FAM171A1: variants seen among roughly 807,000 people sequenced by gnomAD.
FAM171A1 encodes the protein protein FAM171A1.
Under a neutral mutation model 74.9 loss-of-function variants are expected in FAM171A1, and 23 were observed. That is an observed-to-expected ratio of 0.31 (90% CI 0.22 to 0.44). The LOEUF (loss-of-function observed/expected upper bound fraction) is 0.44, where lower values mean the gene tolerates loss of function less well. FAM171A1 is among the 20% of genes least tolerant of loss of function. The pLI is 1.00. For missense variants in FAM171A1, 1,162 were observed against 1,159.2 expected, an observed-to-expected ratio of 1.00 and a Z score of -0.03; for synonymous variants, 527 against 505.7, an observed-to-expected ratio of 1.04 and a Z score of -0.57.
intron 1 of FAM171A1, among the ~76,000 whole-genome samples, chr10:15,332,401 T>C (rs930570171): frequency 6.6e-6 from 1 of 152,248 alleles, no homozygotes; most frequent in Non-Finnish European, 1.5e-5. Flanking sequence ...GGTTCTGTTT[T>C]ATTTTTTTAA....
At chr10:15,227,529 C>T (rs563584801) in intron 5 of FAM171A1, among the ~76,000 whole-genome samples, 2 of 152,250 alleles carry the variant, frequency 1.3e-5, no homozygotes, top group South Asian at 2.1e-4. Context: ...ACTACAGGCA[C>T]GTGCTACCAT....
intron 1 of FAM171A1, among the ~76,000 whole-genome samples, chr10:15,323,686 C>T (rs1039217299): frequency 3.3e-5 from 5 of 152,064 alleles, no homozygotes; most frequent in African/African-American, 1.2e-4. Context: ...CAGCCCAATG[C>T]ATACACTTCC....
At chr10:15,350,056 C>T (rs1033835299) in intron 1 of FAM171A1, among the ~76,000 whole-genome samples, 4 of 152,060 alleles carry the variant, frequency 2.6e-5, no homozygotes, top group Non-Finnish European at 4.4e-5. Flanking sequence ...TCAGACACGG[C>T]ACCCGGTTCA....
chr10:15,302,102 T>G (rs1291451374), intron 1 of FAM171A1, among the ~76,000 whole-genome samples: 1 of 152,188 alleles, frequency 6.6e-6, no homozygotes, highest in Non-Finnish European at 1.5e-5. Context: ...TAGTAAATTC[T>G]AACTATTCCT....
At chr10:15,252,285 A>C (rs762336586) in intron 4 of FAM171A1, among the ~76,000 whole-genome samples, 2 of 152,030 alleles carry the variant, frequency 1.3e-5, no homozygotes, top group Non-Finnish European at 2.9e-5. Context: ...TAAACCAAAC[A>C]ACACAACCTT....
rs767100709 is a variant in FAM171A1, at chr10:15,213,701, C to T, written c.1887G>A (p.Pro629=). ...GGGGCTGGGGCTGGATCTGTGAGGACGGGTGTGGGAAGATCCCGGCATGGG... is the reference window on the plus strand; with the variant it reads ...GGGGCTGGGGCTGGATCTGTGAGGATGGGTGTGGGAAGATCCCGGCATGGG... ...SNPHAGIFPH[P]SSQIQPQPLS... is the part of the protein sequence containing the mutation. The change falls in exon 8 of 8, where the codon CCG becomes CCA. Residue 629 remains proline, a synonymous_variant. Coordinates refer to ENST00000378116, the MANE Select transcript of FAM171A1 (RefSeq NM_001010924.2). This position sits in a 1 kb window ranked among gnomAD's most constrained non-coding sequence, Gnocchi z 6.8. 5.0e-6 allele frequency: 8 copies of T among 1,611,926 alleles called. No homozygotes were observed. The highest frequency in any genetic ancestry group is 2.7e-5 in the African/African-American group (2 of 74,852).
intron 1 of FAM171A1, among the ~76,000 whole-genome samples, chr10:15,347,077 A>T (rs898343587): frequency 6.6e-6 from 1 of 152,138 alleles, no homozygotes; most frequent in African/African-American, 2.4e-5. Flanking sequence ...AATTTTTTTT[A>T]AAAGAATGGG....
At chr10:15,288,248 C>T (rs1477900112) in intron 1 of FAM171A1, among the ~76,000 whole-genome samples, 1 of 152,106 alleles carries the variant, frequency 6.6e-6, no homozygotes, top group Non-Finnish European at 1.5e-5. Flanking sequence ...ATCTTTTTCA[C>T]ATAATAACTT....
chr10:15,305,351 T>C (rs1835280256), intron 1 of FAM171A1, among the ~76,000 whole-genome samples: 1 of 152,074 alleles, frequency 6.6e-6, no homozygotes, highest in Admixed American at 6.6e-5. Flanking sequence ...ACCTCTCACG[T>C]CACCTTCCCG....
intron 3 of FAM171A1, among the ~76,000 whole-genome samples, chr10:15,270,767 G>A (rs193152241): frequency 6.6e-6 from 1 of 152,342 alleles, no homozygotes; most frequent in Non-Finnish European, 1.5e-5. Flanking sequence ...GGCAAACAGA[G>A]TCTGTAGTGG....
rs1299778667 is a variant in FAM171A1, at chr10:15,370,599, G to C, written c.97+357C>G. Among the ~76,000 whole-genome samples, 12 of 152,056 alleles carry C rather than the reference G, an allele frequency of 7.9e-5. No individual in the cohort carries two copies. The East Asian group carries it at 1.2e-3, about 15-fold the overall frequency. Reference sequence around the variant, plus strand: ...CGCCCTGGGCGGCCCCTCTGTCCGCGGCGACATGGGAGACAGAGCCGCGTG... The same window carrying C: ...CGCCCTGGGCGGCCCCTCTGTCCGCCGCGACATGGGAGACAGAGCCGCGTG... On this transcript the variant is annotated intron_variant, in intron 1 of 7. Coordinates refer to ENST00000378116, the MANE Select transcript of FAM171A1 (RefSeq NM_001010924.2).
At chr10:15,369,037 T>C (rs1001831452) in intron 1 of FAM171A1, among the ~76,000 whole-genome samples, 1 of 151,968 alleles carries the variant, frequency 6.6e-6, no homozygotes, top group Non-Finnish European at 1.5e-5. Context: ...AGATACTTGA[T>C]CTCCCACTCC....
intron 1 of FAM171A1, among the ~76,000 whole-genome samples, chr10:15,355,162 G>A: frequency 6.6e-6 from 1 of 152,212 alleles, no homozygotes; most frequent in South Asian, 2.1e-4. Flanking sequence ...ATGGTTCACT[G>A]CAGCCTAGAC....
intron 1 of FAM171A1, among the ~76,000 whole-genome samples, chr10:15,300,592 C>T (rs1564636871): frequency 1.4e-5 from 1 of 72,564 alleles, no homozygotes; most frequent in Non-Finnish European, 2.8e-5. Context: ...CAGTTAAGAA[C>T]CCCCTCCCAC....
At chr10:15,311,664 G>T (rs554247308) in intron 1 of FAM171A1, among the ~76,000 whole-genome samples, 2 of 151,620 alleles carry the variant, frequency 1.3e-5, no homozygotes, top group East Asian at 3.9e-4. Context: ...CTAGTAAGCC[G>T]CCCCACCCCA....
At chr10:15,328,078 C>A (rs1231980064) in intron 1 of FAM171A1, among the ~76,000 whole-genome samples, 38 of 136,348 alleles carry the variant, frequency 2.8e-4, no homozygotes, top group Admixed American at 3.8e-4. Context: ...TTGCAGCCTT[C>A]AAAAAAACCC....
chr10:15,343,105 A>C (rs1403687719), intron 1 of FAM171A1, among the ~76,000 whole-genome samples: 1 of 152,250 alleles, frequency 6.6e-6, no homozygotes, highest in Non-Finnish European at 1.5e-5. Flanking sequence ...GGCCCACCAG[A>C]CCAAGTGCTT....
intron 3 of FAM171A1, among the ~76,000 whole-genome samples, chr10:15,255,961 G>A (rs1834575605): frequency 6.6e-6 from 1 of 151,516 alleles, no homozygotes; most frequent in South Asian, 2.1e-4. Flanking sequence ...ATGTTGTTTT[G>A]ATCATAAAAC....
In FAM171A1 at chr10:15,261,707, T is replaced by C. The variant is rs1344628220; in HGVS notation, c.419-6828A>G. Reference sequence around the variant, plus strand: ...GGCAGAGGAGAAGTAACAGCATCTATGAAGGGGCACAGATAAAGAAAATCT... The same window carrying C: ...GGCAGAGGAGAAGTAACAGCATCTACGAAGGGGCACAGATAAAGAAAATCT... On this transcript the variant is annotated intron_variant, in intron 3 of 7. Coordinates refer to ENST00000378116, the MANE Select transcript of FAM171A1 (RefSeq NM_001010924.2). 3.9e-5 allele frequency among the ~76,000 whole-genome samples: 6 copies of C among 152,156 alleles called. No individual in the cohort carries two copies. The East Asian group carries it at 1.2e-3, about 29-fold the overall frequency.
Sources: allele counts gnomAD v4.1 joint callset (sites outside exome capture counted in the v4.1 genomes callset), GRCh38; gene constraint gnomAD v4.1.1; non-coding constraint Gnocchi (gnomAD v3.1); transcripts MANE v1.5; gene names NCBI Gene and HGNC (gene_info 2026-07-23, HGNC 2026-07-21).